The following KIF26A variants were observed in gnomAD, a reference collection of about 807,000 sequenced individuals.
KIF26A encodes kinesin-like protein KIF26A.
In KIF26A, 74 loss-of-function variants were observed where a neutral mutation model predicts 126.0. The ratio of observed to expected loss-of-function variants is 0.59; its 90% CI spans 0.49 to 0.71. KIF26A has a LOEUF of 0.71. KIF26A is among the 30% of genes least tolerant of loss of function. The pLI, the probability that KIF26A is intolerant of heterozygous loss-of-function variation, is 0.00. For missense variants in KIF26A, 2,984 were observed against 2,763.3 expected (o/e 1.08, Z -1.79); for synonymous variants, 1,445 against 1,232.7 (o/e 1.17, Z -3.61).
chr14:104,160,323 C>A (rs952788787), intron 4 of KIF26A, among the ~76,000 whole-genome samples: 1 of 152,064 alleles, frequency 6.6e-6, no homozygotes, highest in African/African-American at 2.4e-5. Context: ...CCACAAGCAC[C>A]CCCCAGCCGG....
chr14:104,165,392 G>A (rs1233502729), intron 4 of KIF26A, among the ~76,000 whole-genome samples: 1 of 95,968 alleles, frequency 1.0e-5, no homozygotes, highest in East Asian at 2.4e-4. Context: ...CTCTGTGTCT[G>A]TATGCATATG....
At chr14:104,166,585 G>T (rs906335083) in intron 4 of KIF26A, among the ~76,000 whole-genome samples, 3 of 152,188 alleles carry the variant, frequency 2.0e-5, no homozygotes, top group African/African-American at 7.2e-5. Context: ...GCAGAGCACA[G>T]GGAGGGGCGC....
Position 104,179,862 on chromosome 14 carries a change from T to C in KIF26A, c.*72T>C. 2.3e-6 allele frequency: 3 copies of C among 1,282,542 alleles called. No homozygotes were observed. The highest frequency in any genetic ancestry group is 3.0e-6 in the Non-Finnish European group (3 of 990,232). The allele number at this position is 1,282,542 out of a possible 1,614,324, so 79.4% of individuals were successfully genotyped here. A position where few individuals can be genotyped will look rare whatever the true frequency, so the allele number is the denominator to read the frequency against. On this transcript the variant is annotated 3_prime_UTR_variant, in exon 15 of 15. Coordinates refer to ENST00000423312, the MANE Select transcript of KIF26A (RefSeq NM_015656.2). ...CGGGACGTGGGACGGAGCGAGGATGTGGTGGGGGCTGCGGGGGGAGGATGC... is the reference window on the plus strand; with the variant it reads ...CGGGACGTGGGACGGAGCGAGGATGCGGTGGGGGCTGCGGGGGGAGGATGC...
intron 4 of KIF26A, among the ~76,000 whole-genome samples, chr14:104,164,712 TGAGTGTGTGTGC>T (rs2037865054): frequency 6.8e-6 from 1 of 148,060 alleles, no homozygotes; most frequent in Admixed American, 6.7e-5. Flanking sequence ...TGTATGTGTG[TGAGTGTGTGTGC>T]GTGTCTGTGT....
intron 2 of KIF26A, among the ~76,000 whole-genome samples, chr14:104,150,250 C>T (rs1280920159): frequency 6.8e-6 from 1 of 147,738 alleles, no homozygotes; most frequent in Non-Finnish European, 1.5e-5. Flanking sequence ...CTGCAGGGCT[C>T]CTTGTGGCTG....
intron 2 of KIF26A, among the ~76,000 whole-genome samples, chr14:104,144,010 G>A (rs1352674737): frequency 6.6e-6 from 1 of 152,238 alleles, no homozygotes; most frequent in African/African-American, 2.4e-5. Flanking sequence ...GCCTGGGGAA[G>A]GGCCGGGAGG....
chr14:104,141,404 T>G (rs908343205), intron 2 of KIF26A, among the ~76,000 whole-genome samples: 7 of 152,376 alleles, frequency 4.6e-5, no homozygotes, highest in African/African-American at 1.4e-4. Context: ...CAATCATCCA[T>G]CTGTCTCATG....
At chr14:104,154,648 A>G (rs1332675923) in intron 3 of KIF26A, among the ~76,000 whole-genome samples, 1 of 152,222 alleles carries the variant, frequency 6.6e-6, no homozygotes, top group East Asian at 1.9e-4. Context: ...GGCCCACCCC[A>G]GTGCCCTGCC....
chr14:104,166,901 C>A lies in KIF26A; in HGVS notation c.966C>A (p.Pro322=). The A allele has an allele frequency of 1.3e-6, 2 of 1,588,778 alleles. No individual in the cohort carries two copies. The highest frequency in any genetic ancestry group is 8.6e-7 in the Non-Finnish European group (1 of 1,168,984). Reference sequence around the variant, plus strand: ...GCCTGGCCTCCAAGAGGAAGAAGCCCCACCCGCCACCGCCTCCAGCCACCC... The same window carrying A: ...GCCTGGCCTCCAAGAGGAAGAAGCCACACCCGCCACCGCCTCCAGCCACCC... The part of the protein sequence containing the change: ...KLSLASKRKK[P]HPPPPPATRG... The change falls in exon 5 of 15, where the codon CCC becomes CCA. Residue 322 remains proline, a synonymous_variant. Transcript: ENST00000423312.
At chr14:104,156,627 G>A (rs2037780443) in intron 3 of KIF26A, among the ~76,000 whole-genome samples, 6 of 146,092 alleles carry the variant, frequency 4.1e-5, no homozygotes, top group Admixed American at 4.1e-4. Context: ...CCGGCCATGG[G>A]TTGGGCAGGG....
At position 104,152,194 on chromosome 14, in the gene KIF26A, T is replaced by C. The variant is rs772894797; in HGVS notation, c.468T>C (p.His156=). The change falls in exon 3 of 15, where the codon CAT becomes CAC. Residue 156 remains histidine, a synonymous_variant. Coordinates refer to ENST00000423312, the MANE Select transcript of KIF26A (RefSeq NM_015656.2). This position sits in a 1 kb window ranked among gnomAD's most constrained non-coding sequence, Gnocchi z 5.9. ...GCCATGAGGACCTTGACGCCCCCCA[T>C]GGAGGCCCCAGCCTCGCACCCCCCA... is the stretch of plus-strand genomic sequence containing the variant. ...PASHEDLDAP[H]GGPSLAPPST... The C allele has an allele frequency of 3.1e-6, 5 of 1,606,116 alleles. No homozygotes were observed. The South Asian group carries it at 4.4e-5, about 14-fold the overall frequency.
chr14:104,170,385 G>T (rs534444113), intron 5 of KIF26A, among the ~76,000 whole-genome samples: 6 of 152,372 alleles, frequency 3.9e-5, no homozygotes, highest in South Asian at 2.1e-4. Flanking sequence ...GCTCCCCGGA[G>T]AGCGGGCACT....
Position 104,177,814 on chromosome 14 carries a change from G to T in KIF26A, c.5026G>T (p.Ala1676Ser). The change falls in exon 12 of 15, where the codon GCC (alanine) becomes TCC (serine). Residue 1676 changes from alanine to serine, a missense_variant. Physicochemically the swap from Ala to Ser is moderately conservative, Grantham distance 99. Coordinates refer to ENST00000423312, the MANE Select transcript of KIF26A (RefSeq NM_015656.2). The stretch of plus-strand genomic sequence containing the variant: ...CGAGGCCACCGGCAGCGCCTCCTCC[G>T]CCCCTGACTCCATGAGCGAGAGTGG... ...DSEATGSASS[A>S]PDSMSESGAA... The T allele has an allele frequency of 6.4e-7, 1 of 1,567,300 alleles. No individual in the cohort carries two copies. The highest frequency in any genetic ancestry group is 8.6e-7 in the Non-Finnish European group (1 of 1,164,842).
intron 4 of KIF26A, among the ~76,000 whole-genome samples, chr14:104,161,740 G>C (rs767343056): frequency 3.0e-4 from 46 of 152,236 alleles, no homozygotes; most frequent in Non-Finnish European, 6.0e-4. Flanking sequence ...GGGGGTAGTT[G>C]CTATAGAAGC....
intron 4 of KIF26A, among the ~76,000 whole-genome samples, chr14:104,164,018 T>C (rs926711666): frequency 6.6e-6 from 1 of 152,112 alleles, no homozygotes; most frequent in Non-Finnish European, 1.5e-5. Flanking sequence ...GACTCCACCA[T>C]GTGTCATAGA....
At chr14:104,165,263 GTC>G (rs1464260212) in intron 4 of KIF26A, among the ~76,000 whole-genome samples, 2 of 151,696 alleles carry the variant, frequency 1.3e-5, no homozygotes, top group African/African-American at 2.4e-5. Flanking sequence ...GCATGTGTGT[GTC>G]TGTATCTCTA....
chr14:104,163,307 C>T (rs549272395), intron 4 of KIF26A, among the ~76,000 whole-genome samples: 1 of 152,202 alleles, frequency 6.6e-6, no homozygotes, highest in Non-Finnish European at 1.5e-5. Flanking sequence ...GGTTGTGGCT[C>T]TGCCCTCTGC....
At chr14:104,138,984 G>A (rs373404584) in intron 1 of KIF26A, 59 bp from the exon 2 acceptor site, 33 of 1,320,498 alleles carry the variant, frequency 2.5e-5, no homozygotes, top group Non-Finnish European at 3.0e-5. Flanking sequence ...GGCGCGCAGG[G>A]GTCTGGATCC....
chr14:104,178,468 C>A, intron 12 of KIF26A, 82 bp from the exon 13 acceptor site: 1 of 1,068,870 alleles, frequency 9.4e-7, no homozygotes, highest in Non-Finnish European at 1.3e-6. Flanking sequence ...AGGACTCGGG[C>A]CGGCTCCGCA....
Sources: allele counts gnomAD v4.1 joint callset (sites outside exome capture counted in the v4.1 genomes callset), GRCh38; gene constraint gnomAD v4.1.1; non-coding constraint Gnocchi (gnomAD v3.1); transcripts MANE v1.5; gene names NCBI Gene and HGNC (gene_info 2026-07-23, HGNC 2026-07-21).